Variants in RALGPS1 observed in about 807,000 individuals in gnomAD.
RALGPS1 encodes the protein Ral GEF with PH domain and SH3 binding motif 1, also known as ras-specific guanine nucleotide-releasing factor RalGPS1.
RALGPS1 carries 19 observed loss-of-function variants against 78.8 expected under a neutral mutation model. The observed-to-expected ratio is 0.24, with a 90% CI of 0.17 to 0.35. The LOEUF (loss-of-function observed/expected upper bound fraction) is 0.35, where lower values mean the gene tolerates loss of function less well. Ranked by LOEUF, RALGPS1 falls within the 10% of genes least tolerant of loss-of-function variation. The pLI is 1.00. For synonymous variants in RALGPS1, 228 were observed against 256.3 expected, an observed-to-expected ratio of 0.89 and a Z score of 1.06; for missense variants, 454 against 688.3, an observed-to-expected ratio of 0.66 and a Z score of 3.81.
intron 11 of RALGPS1, chr9:127,177,751 G>T: frequency 2.1e-6 from 3 of 1,432,522 alleles, no homozygotes; most frequent in Non-Finnish European, 1.9e-6. Context: ...AGGAAAGGAG[G>T]CACTGCATTT....
In RALGPS1 at chr9:127,166,324, G is replaced by A. The variant is rs1159286383; in HGVS notation, c.748+118G>A. The A allele has an allele frequency of 1.7e-5, 20 of 1,192,722 alleles. No homozygotes were observed. The East Asian group carries it at 1.9e-4, about 11-fold the overall frequency. The allele number at this position is 1,192,722 out of a possible 1,614,324, so 73.9% of individuals were successfully genotyped here. ...ACAAAGTTCCTCATTTTAATATATC[G>A]AGCATCAAACATGTACTAGATCCTT... On this transcript the variant is annotated intron_variant, in intron 9 of 18. Transcript: ENST00000259351.
intron 4 of RALGPS1, among the ~76,000 whole-genome samples, chr9:127,019,847 C>T (rs1423688258): frequency 6.6e-6 from 1 of 152,026 alleles, no homozygotes; most frequent in Non-Finnish European, 1.5e-5. Flanking sequence ...ATTCAAATTC[C>T]TGTAGTGTTT....
At chr9:126,966,582 T>C (rs995488415) in intron 3 of RALGPS1, among the ~76,000 whole-genome samples, 2 of 150,740 alleles carry the variant, frequency 1.3e-5, no homozygotes, top group African/African-American at 4.9e-5. Context: ...TGCATTTGCA[T>C]GAGGTCTAGA....
chr9:127,177,087 C>T (rs1318522057), intron 11 of RALGPS1, among the ~76,000 whole-genome samples: 5 of 152,084 alleles, frequency 3.3e-5, no homozygotes, highest in East Asian at 3.9e-4. Context: ...TCACTGGGCC[C>T]GACTCATTCC....
chr9:126,935,241 A>G (rs888268922), intron 1 of RALGPS1, among the ~76,000 whole-genome samples: 1 of 152,148 alleles, frequency 6.6e-6, no homozygotes, highest in Non-Finnish European at 1.5e-5. Flanking sequence ...AAGCTCTTTT[A>G]AGGCAAGATC....
chr9:127,149,382 G>A (rs1398234985), intron 8 of RALGPS1, among the ~76,000 whole-genome samples: 1 of 152,264 alleles, frequency 6.6e-6, no homozygotes, highest in East Asian at 1.9e-4. Flanking sequence ...TCTTACTAAA[G>A]GAAGCGTTTG....
chr9:126,989,699 G>C (rs1161021174), intron 4 of RALGPS1, among the ~76,000 whole-genome samples: 1 of 152,218 alleles, frequency 6.6e-6, no homozygotes, highest in Non-Finnish European at 1.5e-5. Context: ...GGCAGTTCTG[G>C]TTAGAATGAG....
chr9:127,110,620 C>A (rs972445134), intron 8 of RALGPS1, among the ~76,000 whole-genome samples: 2 of 152,186 alleles, frequency 1.3e-5, no homozygotes, highest in Non-Finnish European at 2.9e-5. Flanking sequence ...CTCAACTCAT[C>A]CAGAAATGAA....
intron 8 of RALGPS1, among the ~76,000 whole-genome samples, chr9:127,149,794 T>G (rs2058316942): frequency 6.6e-6 from 1 of 152,234 alleles, no homozygotes; most frequent in Non-Finnish European, 1.5e-5. Flanking sequence ...CCAAGAGACC[T>G]TGGGAAACTC....
chr9:126,967,076 G>T (rs2039579856), intron 3 of RALGPS1, among the ~76,000 whole-genome samples: 3 of 152,146 alleles, frequency 2.0e-5, no homozygotes. Flanking sequence ...GGTGCCAAGG[G>T]AACTAGCTGG....
chr9:126,932,860 G>C (rs7470009), intron 1 of RALGPS1, among the ~76,000 whole-genome samples: 1 of 152,038 alleles, frequency 6.6e-6, no homozygotes, highest in South Asian at 2.1e-4. Context: ...GTGAAGGATC[G>C]TAAAGTTTGG....
chr9:127,100,479 CAG>C lies in RALGPS1; in HGVS notation c.610+31124_610+31125del, dbSNP rs376624941. 4.0e-3 allele frequency among the ~76,000 whole-genome samples: 605 copies of C among 152,292 alleles called. 3 individuals carry two copies. Among genetic ancestry groups the C allele is most frequent in the African/African-American group, 0.013 (554 of 41,558 alleles). On this transcript the variant is annotated intron_variant, in intron 8 of 18. Transcript: ENST00000259351. ...CAGCGCTGTTGGGCAGGAGGAGAAA[CAG>C]GGGCTTTAAAGACATTTTAAAAAAG...
chr9:127,044,015 A>G (rs544394707), intron 5 of RALGPS1, among the ~76,000 whole-genome samples: 10 of 152,362 alleles, frequency 6.6e-5, no homozygotes, highest in African/African-American at 2.4e-4. Flanking sequence ...CAATCCAGCA[A>G]TTGCAATCCT....
chr9:126,930,503 C>T (rs954344911), intron 1 of RALGPS1, among the ~76,000 whole-genome samples: 3 of 152,106 alleles, frequency 2.0e-5, no homozygotes, highest in African/African-American at 4.8e-5. Context: ...AGTATAGTGG[C>T]GTAATCTTGG....
At position 127,166,193 on chromosome 9, in the gene RALGPS1, T is replaced by G. The variant is rs1397078563; in HGVS notation, c.735T>G (p.Val245=). 6.2e-7 allele frequency: 1 copy of G among 1,613,468 alleles called. No individual in the cohort carries two copies. The highest frequency in any genetic ancestry group is 1.7e-5 in the Admixed American group (1 of 59,846). The change falls in exon 9 of 19, where the codon GTT becomes GTG. Residue 245 remains valine, a synonymous_variant. Coordinates refer to ENST00000259351, the MANE Select transcript of RALGPS1 (RefSeq NM_014636.3). ...NILRIIADLQ[V]SCSYDHLTTL... ...TTCGAATAATTGCTGATTTACAAGT[T>G]TCCTGCAGCTATGGTTAGTACCCTT...
chr9:127,091,748 C>T lies in RALGPS1; in HGVS notation c.610+22392C>T. 1 of 1,614,140 alleles carries T rather than the reference C, an allele frequency of 6.2e-7. No individual in the cohort carries two copies. On this transcript the variant is annotated intron_variant, in intron 8 of 18. Coordinates refer to ENST00000259351, the MANE Select transcript of RALGPS1 (RefSeq NM_014636.3). The surrounding 1 kb of genome is among the most constrained non-coding windows in gnomAD (Gnocchi z 4.3). ...CATGTAAAGGAGTCACCCGCATTGC[C>T]ATGGTAGCGCCCCAGCCGCAGCTTA...
At chr9:127,108,350 G>A (rs1314178417) in intron 8 of RALGPS1, 4 of 1,612,050 alleles carry the variant, frequency 2.5e-6, no homozygotes, top group Middle Eastern at 1.6e-4. Flanking sequence ...TTCATGTTGC[G>A]GCTCTCCTTG....
intron 4 of RALGPS1, among the ~76,000 whole-genome samples, chr9:127,007,538 T>TG (rs2043954347): frequency 6.6e-6 from 1 of 151,966 alleles, no homozygotes; most frequent in Admixed American, 6.5e-5. Context: ...TGGTGTATGG[T>TG]GGGGGGCTCA....
Position 127,071,368 on chromosome 9 carries a change from A to G in RALGPS1, c.610+2012A>G, listed in dbSNP as rs150010839. Among the ~76,000 whole-genome samples, 18 of 152,268 alleles carry G rather than the reference A, an allele frequency of 1.2e-4. No individual in the cohort carries two copies. In the East Asian group the frequency reaches 1.3e-3, roughly 11 times the overall value. The stretch of plus-strand genomic sequence containing the variant: ...ATTTTAACACTTCTGAAATTGGGAT[A>G]CATCTTGCAATTGATAACAAAGCAT... On this transcript the variant is annotated intron_variant, in intron 8 of 18. Coordinates refer to ENST00000259351, the MANE Select transcript of RALGPS1 (RefSeq NM_014636.3).
Sources: allele counts gnomAD v4.1 joint callset (sites outside exome capture counted in the v4.1 genomes callset), GRCh38; gene constraint gnomAD v4.1.1; non-coding constraint Gnocchi (gnomAD v3.1); transcripts MANE v1.5; gene names NCBI Gene and HGNC (gene_info 2026-07-23, HGNC 2026-07-21).